The following GRIK5 variants were observed in gnomAD, a reference collection of about 807,000 sequenced individuals.
GRIK5 encodes the protein glutamate ionotropic receptor kainate type subunit 5.
Under a neutral mutation model 97.4 loss-of-function variants are expected in GRIK5, and 43 were observed. That is an observed-to-expected ratio of 0.44 (90% confidence interval 0.35 to 0.57). GRIK5 has a LOEUF of 0.57. Ranked by LOEUF, GRIK5 falls within the 20% of genes least tolerant of loss-of-function variation. GRIK5 has a pLI of 0.01. For missense variants in GRIK5, 1,015 were observed against 1,382.0 expected, an observed-to-expected ratio of 0.73 and a Z score of 4.21; for synonymous variants, 580 against 583.5, an observed-to-expected ratio of 0.99 and a Z score of 0.09.
intron 12 of GRIK5, among the ~76,000 whole-genome samples, chr19:42,033,404 A>AAT (rs2075864059): frequency 6.6e-6 from 1 of 152,174 alleles, no homozygotes; most frequent in Admixed American, 6.6e-5. Context: ...ACATCATGCA[A>AAT]AGTGAAAGAA....
intron 12 of GRIK5, among the ~76,000 whole-genome samples, chr19:42,025,798 G>A (rs2146062656): frequency 6.6e-6 from 1 of 152,246 alleles, no homozygotes; most frequent in African/African-American, 2.4e-5. Context: ...TGACAGTCTG[G>A]TCACAGTATT....
Position 42,065,151 on chromosome 19 carries a change from C to G in GRIK5, c.244+72G>C. ...AAGAGGACAAGGCCAGGCCAGAGGCCAGGGGCAGAGGGATGGACTGAGGGC... is the reference window on the plus strand; with the variant it reads ...AAGAGGACAAGGCCAGGCCAGAGGCGAGGGGCAGAGGGATGGACTGAGGGC... On this transcript the variant is annotated intron_variant, in intron 3 of 19. Coordinates refer to ENST00000593562, the MANE Select transcript of GRIK5 (RefSeq NM_002088.5). This position sits in a 1 kb window ranked among gnomAD's most constrained non-coding sequence, Gnocchi z 5.8. 7.3e-7 allele frequency: 1 copy of G among 1,371,208 alleles called. No homozygotes were observed. The highest frequency in any genetic ancestry group is 1.3e-5 in the South Asian group (1 of 77,744). The allele number at this position is 1,371,208 out of a possible 1,614,324, so 84.9% of individuals were successfully genotyped here. A position where few individuals can be genotyped will look rare whatever the true frequency, so the allele number is the denominator to read the frequency against.
intron 12 of GRIK5, among the ~76,000 whole-genome samples, chr19:42,031,765 T>A (rs1014721607): frequency 6.6e-6 from 1 of 152,202 alleles, no homozygotes; most frequent in African/African-American, 2.4e-5. Flanking sequence ...GTATTCTTCT[T>A]CCACCCAGTT....
rs569736001 is a variant in GRIK5, at chr19:42,069,549, G to C, written c.-359C>G. 1 of 143,188 alleles carries C rather than the reference G, an allele frequency of 7.0e-6. No individual in the cohort carries two copies. The highest frequency in any genetic ancestry group is 6.9e-5 in the Admixed American group (1 of 14,550). The allele number at this position is 143,188 out of a possible 1,614,324, so 8.9% of individuals were successfully genotyped here. On this transcript the variant is annotated 5_prime_UTR_variant, in exon 1 of 20. Transcript: ENST00000593562. The stretch of plus-strand genomic sequence containing the variant: ...TGGAGGGGAAGGAGGGAGGAAAGGA[G>C]GAGAGGAAGGTGAAAACGGAAGGGG...
At chr19:42,005,378 A>G (rs1328678596) in intron 17 of GRIK5, among the ~76,000 whole-genome samples, 1 of 152,186 alleles carries the variant, frequency 6.6e-6, no homozygotes, top group Non-Finnish European at 1.5e-5. Context: ...GCCAGGCTAT[A>G]GGATTTTTCC....
intron 19 of GRIK5, among the ~76,000 whole-genome samples, chr19:42,001,364 G>A (rs373967387): frequency 4.6e-5 from 7 of 152,186 alleles, no homozygotes; most frequent in South Asian, 2.1e-4. Flanking sequence ...GAGTAGTTGG[G>A]ACTACAGGTG....
At position 42,070,191 on chromosome 19, in the gene GRIK5, G is replaced by C. The variant is rs1424111919; in HGVS notation, c.-1001C>G. 6.6e-6 allele frequency among the ~76,000 whole-genome samples: 1 copy of C among 152,102 alleles called. No homozygotes were observed. Among genetic ancestry groups the C allele is most frequent in the Non-Finnish European group, 1.5e-5 (1 of 67,980 alleles). On this transcript the variant is annotated 5_prime_UTR_variant, in exon 1 of 20. Transcript: ENST00000593562. ...GCCTGCCCGCCTGCCGCCTGCGCTG[G>C]GTCCTGGAGCGCAGTGGGGTGGTTC...
chr19:42,026,425 T>C (rs917001336), intron 12 of GRIK5, among the ~76,000 whole-genome samples: 4 of 151,504 alleles, frequency 2.6e-5, no homozygotes, highest in African/African-American at 9.7e-5. Context: ...ACCTGTCTAA[T>C]ATTTTTTTAG....
At chr19:42,037,825 C>T (rs560199122) in intron 12 of GRIK5, among the ~76,000 whole-genome samples, 1 of 152,328 alleles carries the variant, frequency 6.6e-6, no homozygotes, top group African/African-American at 2.4e-5. Flanking sequence ...GGCCTGGCAC[C>T]CTTACCACAG....
At chr19:42,028,428 G>C (rs920725501) in intron 12 of GRIK5, among the ~76,000 whole-genome samples, 1 of 152,240 alleles carries the variant, frequency 6.6e-6, no homozygotes, top group Non-Finnish European at 1.5e-5. Context: ...GCTAGCGGGA[G>C]GTTGCCAGAC....
intron 6 of GRIK5, among the ~76,000 whole-genome samples, chr19:42,058,039 G>A (rs200005202): frequency 1.3e-5 from 2 of 152,186 alleles, no homozygotes; most frequent in Admixed American, 6.5e-5. Flanking sequence ...CGGCTGGCAC[G>A]GGAGGGGCCG....
intron 1 of GRIK5, 191 bp downstream of exon 1, chr19:42,069,050 A>G (rs1460505804): frequency 6.5e-6 from 3 of 462,856 alleles, no homozygotes; most frequent in South Asian, 3.9e-5. Context: ...TGTACCCAGA[A>G]GAAGAGGTGA....
At chr19:42,010,094 T>C (rs1422046681) in intron 15 of GRIK5, among the ~76,000 whole-genome samples, 1 of 150,488 alleles carries the variant, frequency 6.6e-6, no homozygotes, top group Admixed American at 6.6e-5. Context: ...GATTAGAGAA[T>C]TTGAAGAACT....
chr19:42,037,850 C>T (rs889916939), intron 12 of GRIK5, among the ~76,000 whole-genome samples: 4 of 152,228 alleles, frequency 2.6e-5, no homozygotes, highest in Non-Finnish European at 5.9e-5. Context: ...AGGTCCTTGA[C>T]GGCCAGCTCA....
At chr19:42,014,025 T>C (rs2075596762) in intron 15 of GRIK5, among the ~76,000 whole-genome samples, 2 of 130,480 alleles carry the variant, frequency 1.5e-5, no homozygotes, top group Admixed American at 1.6e-4. Flanking sequence ...CAAGACTCCA[T>C]CTCAAAAAAA....
At chr19:42,037,555 T>G (rs2075923217) in intron 12 of GRIK5, among the ~76,000 whole-genome samples, 1 of 152,196 alleles carries the variant, frequency 6.6e-6, no homozygotes, top group Non-Finnish European at 1.5e-5. Flanking sequence ...CAGAGATAAG[T>G]GGCTTTGCAG....
intron 6 of GRIK5, 55 bp from the exon 7 acceptor site, chr19:42,057,033 A>G: frequency 7.6e-7 from 1 of 1,323,016 alleles, no homozygotes; most frequent in Non-Finnish European, 1.1e-6. Flanking sequence ...CCACAGGCAG[A>G]GATGGGGAGG....
In GRIK5 at chr19:42,021,966, C is replaced by T. The variant is rs112088850; in HGVS notation, c.1678G>A (p.Val560Ile). The T allele has an allele frequency of 5.6e-5, 90 of 1,612,610 alleles. 1 individual carries two copies. The highest frequency in any genetic ancestry group is 3.3e-4 in the Middle Eastern group (2 of 6,058). Residue 560 changes from valine (V) to isoleucine (I), a missense_variant, in exon 14 of 20, where the codon GTC becomes ATC. By Grantham distance (29) the Val-to-Ile change is conservative (BLOSUM62 3). Coordinates refer to ENST00000593562, the MANE Select transcript of GRIK5 (RefSeq NM_002088.5). This position sits in a 1 kb window ranked among gnomAD's most constrained non-coding sequence, Gnocchi z 4.2. ...MLLAYLAVSC[V>I]LFLAARLSPY... ...ACTCACCTGGCAGCCAGAAACAGGA[C>T]GCAGCTGACAGCCAGGTAGGCAAGA...
At chr19:42,014,492 C>T (rs2075602322) in intron 15 of GRIK5, among the ~76,000 whole-genome samples, 1 of 151,424 alleles carries the variant, frequency 6.6e-6, no homozygotes, top group Non-Finnish European at 1.5e-5. Flanking sequence ...TTATAAGAAA[C>T]ACACTTGGGG....
Sources: gnomAD v4.1 joint callset for allele counts (sites outside exome capture counted in the v4.1 genomes callset) on GRCh38, gnomAD v4.1.1 for gene constraint, Gnocchi (gnomAD v3.1) non-coding constraint, MANE v1.5 for transcripts, NCBI Gene and HGNC (gene_info 2026-07-23, HGNC 2026-07-21) for gene names.